ASTN2: variants seen among roughly 807,000 people sequenced by gnomAD.
ASTN2 encodes the protein astrotactin 2.
ASTN2 carries 54 observed loss-of-function variants against 139.8 expected under a neutral mutation model. The observed-to-expected ratio is 0.39, with a 90% CI of 0.31 to 0.48. The LOEUF (loss-of-function observed/expected upper bound fraction) is 0.48, where lower values mean the gene tolerates loss of function less well. Among genes scored for constraint, ASTN2 ranks in the 20% least tolerant of loss-of-function variants. ASTN2 has a pLI of 0.95. For synonymous variants in ASTN2, 756 were observed against 719.5 expected (o/e 1.05, Z -0.81); for missense variants, 1,565 against 1,725.1 (o/e 0.91, Z 1.64).
chr9:116,443,398 G>A (rs930031507), intron 20 of ASTN2, among the ~76,000 whole-genome samples: 3 of 152,172 alleles, frequency 2.0e-5, no homozygotes, highest in Admixed American at 6.6e-5. Flanking sequence ...GGGAGACTGG[G>A]GGTTAATCTG....
At chr9:117,337,521 C>T (rs942801679) in intron 1 of ASTN2, among the ~76,000 whole-genome samples, 5 of 152,026 alleles carry the variant, frequency 3.3e-5, no homozygotes, top group Admixed American at 6.5e-5. Context: ...ATAACAGCAC[C>T]GTTAAGTAAT....
At chr9:116,471,490 C>G (rs1310106201) in intron 20 of ASTN2, among the ~76,000 whole-genome samples, 1 of 152,170 alleles carries the variant, frequency 6.6e-6, no homozygotes, top group Non-Finnish European at 1.5e-5. Context: ...CCTGACCCAG[C>G]CAGGGGTCTT....
At chr9:117,353,912 A>C (rs1387944679) in intron 1 of ASTN2, among the ~76,000 whole-genome samples, 1 of 152,200 alleles carries the variant, frequency 6.6e-6, no homozygotes, top group Non-Finnish European at 1.5e-5. Flanking sequence ...GGGAAGGATG[A>C]ATAGGCAGAG....
At chr9:116,746,868 T>C (rs566880127) in intron 13 of ASTN2, among the ~76,000 whole-genome samples, 1 of 152,210 alleles carries the variant, frequency 6.6e-6, no homozygotes, top group Non-Finnish European at 1.5e-5. Flanking sequence ...TATTCACTGC[T>C]GTGCACCCAG....
intron 13 of ASTN2, among the ~76,000 whole-genome samples, chr9:116,767,263 C>G (rs914905154): frequency 6.6e-6 from 1 of 152,128 alleles, no homozygotes; most frequent in Non-Finnish European, 1.5e-5. Context: ...CCTACTCACA[C>G]CCTAGGTACC....
chr9:117,346,010 C>CAAAAAAAAAA lies in ASTN2; in HGVS notation c.443-54507_443-54498dup, dbSNP rs35773511. Among the ~76,000 whole-genome samples, 206 of 92,266 alleles carry CAAAAAAAAAA rather than the reference C, an allele frequency of 2.2e-3. 6 individuals are homozygous for CAAAAAAAAAA. Among genetic ancestry groups the CAAAAAAAAAA allele is most frequent in the African/African-American group, 5.7e-3 (149 of 26,208 alleles). 60.5% of individuals were successfully genotyped at this position (92,266 alleles called of 152,430 possible). A position where few individuals can be genotyped will look rare whatever the true frequency, so the allele number is the denominator to read the frequency against. On this transcript the variant is annotated intron_variant, in intron 1 of 22. Transcript: ENST00000313400. The stretch of plus-strand genomic sequence containing the variant: ...CATTGCCACTTAGTGAACTAAGAGG[C>CAAAAAAAAAA]AAAAAAAAAAAAAAAAGGAAAAGGA...
chr9:116,779,476 C>T (rs918539619), intron 13 of ASTN2, among the ~76,000 whole-genome samples: 4 of 142,474 alleles, frequency 2.8e-5, no homozygotes, highest in Non-Finnish European at 6.1e-5. Flanking sequence ...AATATCTATT[C>T]TTTATAAATT....
At chr9:116,703,359 A>G (rs1005730645) in intron 16 of ASTN2, among the ~76,000 whole-genome samples, 8 of 150,432 alleles carry the variant, frequency 5.3e-5, no homozygotes, top group African/African-American at 1.7e-4. Flanking sequence ...GTTTGAGTTC[A>G]TTGCAGATTC....
intron 2 of ASTN2, chr9:117,277,278 G>A (rs1834216271): frequency 6.6e-6 from 1 of 152,150 alleles, no homozygotes; most frequent in South Asian, 2.1e-4. Flanking sequence ...CCTCTAATTG[G>A]TGTTCAGATC....
chr9:116,656,120 C>A (rs917001311), intron 16 of ASTN2, among the ~76,000 whole-genome samples: 1 of 152,138 alleles, frequency 6.6e-6, no homozygotes, highest in Non-Finnish European at 1.5e-5. Flanking sequence ...AAGGAAAAGA[C>A]AGCATCAGTT....
intron 10 of ASTN2, among the ~76,000 whole-genome samples, chr9:116,901,128 G>T (rs886077312): frequency 2.0e-5 from 3 of 152,076 alleles, no homozygotes; most frequent in Non-Finnish European, 4.4e-5. Flanking sequence ...GTGCAAGTGT[G>T]TGAAAGCTGC....
intron 2 of ASTN2, among the ~76,000 whole-genome samples, chr9:117,215,074 C>G (rs1832269225): frequency 6.6e-6 from 1 of 152,104 alleles, no homozygotes; most frequent in Non-Finnish European, 1.5e-5. Flanking sequence ...CAGAGCAATA[C>G]AGATAGCTCA....
intron 13 of ASTN2, among the ~76,000 whole-genome samples, chr9:116,747,398 C>T (rs1339103276): frequency 6.6e-6 from 1 of 152,134 alleles, no homozygotes; most frequent in Non-Finnish European, 1.5e-5. Context: ...TTGCAAATGC[C>T]GATGCTGGTT....
intron 1 of ASTN2, among the ~76,000 whole-genome samples, chr9:117,326,343 T>C (rs1393775138): frequency 1.3e-5 from 2 of 152,116 alleles, no homozygotes; most frequent in South Asian, 2.1e-4. Context: ...TCACAGAGCA[T>C]GTTAATGGCA....
chr9:116,861,976 T>C (rs1173861355), intron 11 of ASTN2, among the ~76,000 whole-genome samples: 4 of 63,976 alleles, frequency 6.3e-5, no homozygotes, highest in African/African-American at 1.1e-4. Context: ...CCTTCTTCTT[T>C]TTTTTTTTTT....
intron 6 of ASTN2, among the ~76,000 whole-genome samples, chr9:117,025,984 C>T (rs555069060): frequency 1.6e-4 from 25 of 152,018 alleles, no homozygotes; most frequent in Middle Eastern, 3.4e-3. Context: ...AGGCTGGTCT[C>T]GAACTCCTGA....
At chr9:117,328,648 A>G (rs2130844327) in intron 1 of ASTN2, among the ~76,000 whole-genome samples, 1 of 152,240 alleles carries the variant, frequency 6.6e-6, no homozygotes, top group Middle Eastern at 3.4e-3. Flanking sequence ...TAGTGGCCTC[A>G]TTTTTCATCC....
At chr9:117,252,539 C>T (rs1316304935) in intron 2 of ASTN2, among the ~76,000 whole-genome samples, 4 of 152,094 alleles carry the variant, frequency 2.6e-5, no homozygotes, top group East Asian at 1.9e-4. Context: ...GTGCTAATGG[C>T]CCAGTGTCTC....
chr9:116,792,756 C>T (rs1463772831), intron 13 of ASTN2, among the ~76,000 whole-genome samples: 1 of 152,124 alleles, frequency 6.6e-6, no homozygotes, highest in African/African-American at 2.4e-5. Flanking sequence ...TCTCTAGTGC[C>T]ATTGGCCTTG....
Sources: gnomAD v4.1 joint callset for allele counts (sites outside exome capture counted in the v4.1 genomes callset) on GRCh38, gnomAD v4.1.1 for gene constraint, MANE v1.5 for transcripts, NCBI Gene and HGNC (gene_info 2026-07-23, HGNC 2026-07-21) for gene names.